The following RBFOX1 variants were observed in gnomAD, a reference collection of about 807,000 sequenced individuals.
The protein encoded by RBFOX1 is RNA binding fox-1 homolog 1.
A neutral mutation model predicts 57.7 loss-of-function variants in RBFOX1; 8 were observed. The observed-to-expected ratio is 0.14, with a 90% CI of 0.08 to 0.25. The LOEUF is 0.25. Among genes scored for constraint, RBFOX1 ranks in the 10% least tolerant of loss-of-function variants. The probability of loss-of-function intolerance (pLI) is 1.00; values close to 1 mark genes in which losing one functional copy is unlikely to be tolerated. For missense variants in RBFOX1, 611 were observed against 548.5 expected, an observed-to-expected ratio of 1.11 and a Z score of -1.14; for synonymous variants, 326 against 222.4, an observed-to-expected ratio of 1.47 and a Z score of -4.15.
chr16:5,874,603 C>T (rs978287331), intron 4 of RBFOX1, among the ~76,000 whole-genome samples: 2 of 152,124 alleles, frequency 1.3e-5, no homozygotes, highest in Non-Finnish European at 2.9e-5. Flanking sequence ...TTATGCCTGG[C>T]AACCTTCACT....
intron 4 of RBFOX1, among the ~76,000 whole-genome samples, chr16:5,884,450 C>A (rs1245290606): frequency 6.8e-6 from 1 of 147,822 alleles, no homozygotes; most frequent in Non-Finnish European, 1.5e-5. Context: ...CCGCCCCGCC[C>A]CCCGCTCCCC....
intron 2 of RBFOX1, among the ~76,000 whole-genome samples, chr16:6,635,144 G>T (rs941763003): frequency 2.7e-5 from 4 of 146,162 alleles, no homozygotes; most frequent in Non-Finnish European, 4.5e-5. Context: ...TATATTAAAT[G>T]TATATGATAT....
chr16:7,201,825 G>T (rs1307477342), intron 4 of RBFOX1, among the ~76,000 whole-genome samples: 1 of 152,152 alleles, frequency 6.6e-6, no homozygotes, highest in Non-Finnish European at 1.5e-5. Flanking sequence ...CAAGCGTGAA[G>T]TTAGGAAGCT....
intron 5 of RBFOX1, among the ~76,000 whole-genome samples, chr16:7,539,493 C>G (rs1254410687): frequency 1.3e-5 from 2 of 152,084 alleles, no homozygotes; most frequent in East Asian, 1.9e-4. Context: ...TCTGAGAAGC[C>G]CAGGTGACAT....
chr16:7,233,174 C>T (rs141458909), intron 4 of RBFOX1, among the ~76,000 whole-genome samples: 1 of 152,004 alleles, frequency 6.6e-6, no homozygotes, highest in African/African-American at 2.4e-5. Context: ...TCATATAAAG[C>T]CCTGGAAGTC....
chr16:5,474,462 T>C (rs953302953), intron 2 of RBFOX1, among the ~76,000 whole-genome samples: 1 of 152,192 alleles, frequency 6.6e-6, no homozygotes, highest in Non-Finnish European at 1.5e-5. Context: ...GAGACCAGCC[T>C]GGCCAACATG....
intron 4 of RBFOX1, among the ~76,000 whole-genome samples, chr16:7,281,081 C>A (rs981984325): frequency 7.3e-5 from 11 of 151,142 alleles, no homozygotes; most frequent in African/African-American, 2.7e-4. Context: ...TGGCTCACTG[C>A]AACCTCTGCC....
chr16:7,428,248 A>G (rs1229608786), intron 4 of RBFOX1, among the ~76,000 whole-genome samples: 2 of 151,540 alleles, frequency 1.3e-5, no homozygotes, highest in Non-Finnish European at 2.9e-5. Flanking sequence ...TGCTATTGGC[A>G]TATCGTCACT....
chr16:6,550,484 C>A (rs1410863226), intron 2 of RBFOX1, among the ~76,000 whole-genome samples: 1 of 152,162 alleles, frequency 6.6e-6, no homozygotes. Context: ...TGCCACCATG[C>A]CCACCTAATT....
At chr16:7,628,049 C>G (rs974310206) in intron 10 of RBFOX1, among the ~76,000 whole-genome samples, 1 of 152,028 alleles carries the variant, frequency 6.6e-6, no homozygotes, top group Non-Finnish European at 1.5e-5. Context: ...AGGCAAAAAT[C>G]TGTGCTGTGT....
intron 1 of RBFOX1, among the ~76,000 whole-genome samples, chr16:5,397,790 T>G (rs528355597): frequency 6.6e-6 from 1 of 152,328 alleles, no homozygotes; most frequent in African/African-American, 2.4e-5. Flanking sequence ...GATATTTGAT[T>G]TTATTAAGGA....
chr16:7,376,294 C>T (rs1193638663), intron 4 of RBFOX1, among the ~76,000 whole-genome samples: 1 of 152,178 alleles, frequency 6.6e-6, no homozygotes, highest in Non-Finnish European at 1.5e-5. Flanking sequence ...CTATTAGCAG[C>T]TCAGCTTTAT....
At chr16:6,646,915 G>A (rs1214988708) in intron 2 of RBFOX1, among the ~76,000 whole-genome samples, 1 of 152,158 alleles carries the variant, frequency 6.6e-6, no homozygotes, top group Non-Finnish European at 1.5e-5. Flanking sequence ...GATACCGCGT[G>A]TACACATGAT....
chr16:7,038,125 G>A (rs767782002), intron 3 of RBFOX1, among the ~76,000 whole-genome samples: 1 of 152,112 alleles, frequency 6.6e-6, no homozygotes, highest in Non-Finnish European at 1.5e-5. Context: ...GTAGAGAGGG[G>A]GATGATGGGA....
At chr16:5,815,379 G>A (rs1404705377) in intron 3 of RBFOX1, among the ~76,000 whole-genome samples, 1 of 152,072 alleles carries the variant, frequency 6.6e-6, no homozygotes, top group Admixed American at 6.5e-5. Context: ...AGACCCCAGT[G>A]GTCAGTAGCT....
chr16:5,677,165 G>C (rs1376310376), intron 3 of RBFOX1, among the ~76,000 whole-genome samples: 1 of 152,174 alleles, frequency 6.6e-6, no homozygotes, highest in African/African-American at 2.4e-5. Context: ...CTCTGATGTT[G>C]GTTACTATGA....
intron 4 of RBFOX1, among the ~76,000 whole-genome samples, chr16:5,881,217 T>C (rs2151917693): frequency 6.6e-6 from 1 of 152,346 alleles, no homozygotes; most frequent in South Asian, 2.1e-4. Context: ...CTTCTGATTC[T>C]AGTTGGGTGA....
intron 3 of RBFOX1, among the ~76,000 whole-genome samples, chr16:6,706,341 TTAA>T (rs1346648468): frequency 6.6e-6 from 1 of 152,222 alleles, no homozygotes; most frequent in Non-Finnish European, 1.5e-5. Flanking sequence ...AACTCAATTA[TTAA>T]TGTGCAAAAC....
At chr16:6,884,666 A>AG (rs1343000731) in intron 3 of RBFOX1, among the ~76,000 whole-genome samples, 1 of 152,184 alleles carries the variant, frequency 6.6e-6, no homozygotes, top group Non-Finnish European at 1.5e-5. Flanking sequence ...GGGGAGGCTG[A>AG]GGTGGTGGAT....
Sources: gnomAD v4.1 joint callset for allele counts (sites outside exome capture counted in the v4.1 genomes callset) on GRCh38, gnomAD v4.1.1 for gene constraint, MANE v1.5 for transcripts, NCBI Gene and HGNC (gene_info 2026-07-23, HGNC 2026-07-21) for gene names.